LRRC4C: variants seen among roughly 807,000 people sequenced by gnomAD.
The protein encoded by LRRC4C is leucine-rich repeat-containing protein 4C.
In LRRC4C, 5 loss-of-function variants were observed where a neutral mutation model predicts 33.6. The ratio of observed to expected loss-of-function variants is 0.15; its 90% CI spans 0.08 to 0.31. The LOEUF (loss-of-function observed/expected upper bound fraction) is 0.31. LRRC4C is among the 10% of genes least tolerant of loss of function. LRRC4C has a pLI of 1.00. For synonymous variants in LRRC4C, 329 were observed against 302.0 expected (o/e 1.09, Z -0.93); for missense variants, 560 against 796.7 (o/e 0.70, Z 3.58).
intron 1 of LRRC4C, among the ~76,000 whole-genome samples, chr11:40,998,491 G>A (rs1462228): frequency 0.16 from 24,111 of 151,860 alleles, 2,038 homozygotes; most frequent in Middle Eastern, 0.22. Context: ...TACATCTCTG[G>A]GGTTTTATTT....
At chr11:41,378,920 G>A (rs1221879898) in intron 1 of LRRC4C, among the ~76,000 whole-genome samples, 1 of 143,276 alleles carries the variant, frequency 7.0e-6, no homozygotes, top group Non-Finnish European at 1.5e-5. Flanking sequence ...AGCGGGAAGA[G>A]TTTTTTTTTT....
intron 2 of LRRC4C, among the ~76,000 whole-genome samples, chr11:40,808,630 T>C (rs1271560299): frequency 6.6e-6 from 1 of 152,156 alleles, no homozygotes; most frequent in Non-Finnish European, 1.5e-5. Flanking sequence ...TGCCCTGACT[T>C]GCCTCACTTA....
intron 1 of LRRC4C, among the ~76,000 whole-genome samples, chr11:41,095,155 A>T (rs1015471847): frequency 1.3e-5 from 2 of 152,150 alleles, no homozygotes; most frequent in African/African-American, 2.4e-5. Context: ...TCCTGGAGGA[A>T]GGTGAAGGGG....
intron 3 of LRRC4C, among the ~76,000 whole-genome samples, chr11:40,496,983 T>C (rs1235345219): frequency 6.6e-6 from 1 of 152,208 alleles, no homozygotes; most frequent in Non-Finnish European, 1.5e-5. Context: ...TCATGGCTCC[T>C]AAAGATCATC....
intron 3 of LRRC4C, among the ~76,000 whole-genome samples, chr11:40,507,665 A>G (rs898665145): frequency 6.6e-6 from 1 of 152,158 alleles, no homozygotes; most frequent in Non-Finnish European, 1.5e-5. Context: ...ACTGGCATAT[A>G]AAGATGCTTA....
chr11:40,939,214 T>C (rs1481929717), intron 1 of LRRC4C, among the ~76,000 whole-genome samples: 1 of 152,166 alleles, frequency 6.6e-6, no homozygotes, highest in African/African-American at 2.4e-5. Flanking sequence ...GTTTAAAATA[T>C]GAATTTTGAA....
chr11:40,376,326 A>G (rs1247415900), intron 3 of LRRC4C, among the ~76,000 whole-genome samples: 1 of 152,176 alleles, frequency 6.6e-6, no homozygotes, highest in Admixed American at 6.6e-5. Context: ...GTCAAGAAGC[A>G]GAAAGCCATG....
intron 2 of LRRC4C, among the ~76,000 whole-genome samples, chr11:40,747,101 C>T (rs1047022794): frequency 2.0e-5 from 3 of 152,068 alleles, no homozygotes; most frequent in African/African-American, 7.2e-5. Flanking sequence ...GTTCTAGGGC[C>T]CAAGGCAGGC....
chr11:40,991,632 C>A (rs1229907323), intron 1 of LRRC4C, among the ~76,000 whole-genome samples: 1 of 152,166 alleles, frequency 6.6e-6, no homozygotes, highest in Non-Finnish European at 1.5e-5. Flanking sequence ...TGTTTTCCTG[C>A]CACTAGACAG....
At chr11:40,122,873 A>AATAT (rs563251675) in intron 6 of LRRC4C, among the ~76,000 whole-genome samples, 28 of 149,110 alleles carry the variant, frequency 1.9e-4, no homozygotes, top group East Asian at 3.9e-4. Context: ...AAACAAAACA[A>AATAT]ATATATATAT....
rs1952922683 is a variant in LRRC4C, at chr11:41,375,978, G to C, written c.-496+83453C>G. 2.0e-5 allele frequency among the ~76,000 whole-genome samples: 3 copies of C among 151,772 alleles called. No homozygotes were observed. The South Asian group carries it at 6.2e-4, about 31-fold the overall frequency. On this transcript the variant is annotated intron_variant, in intron 1 of 6. Transcript: ENST00000528697. ...GTTCAGATTAAACTGTGAAGACTTG[G>C]TATGAAAGATTGGAGAATTCACATA...
At chr11:40,898,430 T>C (rs1592029126) in intron 2 of LRRC4C, among the ~76,000 whole-genome samples, 1 of 151,206 alleles carries the variant, frequency 6.6e-6, no homozygotes, top group East Asian at 1.9e-4. Flanking sequence ...GAGCAAAATT[T>C]TTTGTTGAAG....
At chr11:40,539,135 T>A (rs1956600902) in intron 3 of LRRC4C, among the ~76,000 whole-genome samples, 1 of 152,214 alleles carries the variant, frequency 6.6e-6, no homozygotes, top group Non-Finnish European at 1.5e-5. Flanking sequence ...AATATGATGC[T>A]GCTAATGTGA....
At chr11:40,989,663 G>C (rs1853361071) in intron 1 of LRRC4C, among the ~76,000 whole-genome samples, 1 of 152,076 alleles carries the variant, frequency 6.6e-6, no homozygotes. Flanking sequence ...ATTTATCTGG[G>C]TTGATTTTGT....
At position 40,554,446 on chromosome 11, in the gene LRRC4C, C is replaced by G. The variant is rs1957250350; in HGVS notation, c.-270+93696G>C. ...TATAATTGCTTTAGCTATTTGGACTCTCTTTTGGTTCCCTATGAATTTTAG... is the reference window on the plus strand; with the variant it reads ...TATAATTGCTTTAGCTATTTGGACTGTCTTTTGGTTCCCTATGAATTTTAG... On this transcript the variant is annotated intron_variant, in intron 3 of 6. Coordinates refer to ENST00000528697, the MANE Select transcript of LRRC4C (RefSeq NM_001258419.2). Among the ~76,000 whole-genome samples, 2 of 152,062 alleles carry G rather than the reference C, an allele frequency of 1.3e-5. 1 individual carries two copies. Among genetic ancestry groups the G allele is most frequent in the South Asian group, 4.1e-4 (2 of 4,830 alleles).
At chr11:41,234,218 GA>G (rs576282622) in intron 1 of LRRC4C, among the ~76,000 whole-genome samples, 10 of 151,612 alleles carry the variant, frequency 6.6e-5, no homozygotes, top group Admixed American at 2.6e-4. Context: ...TTAATTTTTA[GA>G]AAAAAAGTTT....
chr11:40,907,456 G>A (rs1956473495), intron 2 of LRRC4C, among the ~76,000 whole-genome samples: 1 of 152,152 alleles, frequency 6.6e-6, no homozygotes, highest in Non-Finnish European at 1.5e-5. Flanking sequence ...ACAGGCTATT[G>A]GAGTTCATAG....
At chr11:40,274,006 C>T (rs915794392) in intron 4 of LRRC4C, among the ~76,000 whole-genome samples, 2 of 152,036 alleles carry the variant, frequency 1.3e-5, no homozygotes, top group African/African-American at 4.8e-5. Flanking sequence ...ACATTAAAAA[C>T]CTATCACTTT....
chr11:40,762,347 G>T (rs1048763567), intron 2 of LRRC4C, among the ~76,000 whole-genome samples: 2 of 152,068 alleles, frequency 1.3e-5, no homozygotes, highest in Non-Finnish European at 2.9e-5. Context: ...TTTCCATTAA[G>T]GTTTCAGATA....
Sources: gnomAD v4.1 joint callset for allele counts (sites outside exome capture counted in the v4.1 genomes callset) on GRCh38, gnomAD v4.1.1 for gene constraint, MANE v1.5 for transcripts, NCBI Gene and HGNC (gene_info 2026-07-23, HGNC 2026-07-21) for gene names.